Variants in GJB7 observed in about 807,000 individuals in gnomAD.
The protein encoded by GJB7 is gap junction beta-7 protein.
For missense variants in GJB7, 253 were observed against 256.8 expected, an observed-to-expected ratio of 0.99 and a Z score of 0.10; for synonymous variants, 87 against 95.2, an observed-to-expected ratio of 0.91 and a Z score of 0.50.
At position 87,284,126 on chromosome 6, in the gene GJB7, C is replaced by T; in HGVS notation, c.*115G>A. The T allele has an allele frequency of 1.2e-6, 1 of 826,624 alleles. No individual in the cohort carries two copies. The allele number at this position is 826,624 out of a possible 1,614,324, so 51.2% of individuals were successfully genotyped here. On this transcript the variant is annotated 3_prime_UTR_variant, in exon 3 of 3. Coordinates refer to ENST00000525899, the MANE Select transcript of GJB7 (RefSeq NM_198568.3). ...TTCTTTGTTTAACCCTCTTGTGTGT[C>T]ACAGAGTAGCTTTGCTTCAGGTAGA...
intron 2 of GJB7, among the ~76,000 whole-genome samples, chr6:87,321,770 T>C (rs901977030): frequency 2.0e-5 from 3 of 152,162 alleles, no homozygotes; most frequent in Non-Finnish European, 4.4e-5. Context: ...ACAGGAGGTA[T>C]GGCTCCAGAG....
At chr6:87,302,258 G>A (rs879502227) in intron 2 of GJB7, among the ~76,000 whole-genome samples, 17 of 151,568 alleles carry the variant, frequency 1.1e-4, no homozygotes, top group Admixed American at 6.6e-4. Context: ...CGAATGCATC[G>A]CAAAGAAGCT....
rs531732801 is a variant in GJB7, at chr6:87,324,556, G to T, written c.-205-1513C>A. ...TTTCCCCATTGCTTGTTTTTCTCAG[G>T]TTTGTCAAAGATCAGATAGTTGTAG... On this transcript the variant is annotated intron_variant, in intron 1 of 2. Transcript: ENST00000525899. Among the ~76,000 whole-genome samples the T allele has an allele frequency of 4.6e-3, 695 of 150,780 alleles. 5 individuals carry two copies. Among genetic ancestry groups the T allele is most frequent in the African/African-American group, 0.016 (649 of 40,838 alleles).
At chr6:87,318,114 A>G (rs924934259) in intron 2 of GJB7, among the ~76,000 whole-genome samples, 3 of 121,504 alleles carry the variant, frequency 2.5e-5, no homozygotes, top group African/African-American at 8.6e-5. Flanking sequence ...TCAGTTCCCC[A>G]TTCTATTTTT....
chr6:87,310,960 T>C (rs896811726), intron 2 of GJB7, among the ~76,000 whole-genome samples: 6 of 152,158 alleles, frequency 3.9e-5, no homozygotes, highest in African/African-American at 1.4e-4. Flanking sequence ...TTAGAGATGA[T>C]TCCAAAAGCA....
Position 87,284,623 on chromosome 6 carries a change from T to G in GJB7, c.290A>C (p.Tyr97Ser), listed in dbSNP as rs369321387. 2 of 1,614,200 alleles carry G rather than the reference T, an allele frequency of 1.2e-6. No individual in the cohort carries two copies. Among genetic ancestry groups the G allele is most frequent in the East Asian group, 4.5e-5 (2 of 44,878 alleles). Residue 97 changes from tyrosine (Y) to serine (S), a missense_variant, in exon 3 of 3, where the codon TAT becomes TCT. By Grantham distance (144) the Tyr-to-Ser change is moderately radical. Coordinates refer to ENST00000525899, the MANE Select transcript of GJB7 (RefSeq NM_198568.3). ...PSLLVVLHVA[Y>S]HEGREKRHRK... ...GTGCCTTTTCTCTCTACCCTCATGATAGGCTACATGTAAAACCACCAGAAG... is the reference window on the plus strand; with the variant it reads ...GTGCCTTTTCTCTCTACCCTCATGAGAGGCTACATGTAAAACCACCAGAAG...
chr6:87,324,892 C>G (rs1776778014), intron 1 of GJB7, among the ~76,000 whole-genome samples: 2 of 152,190 alleles, frequency 1.3e-5, no homozygotes, highest in African/African-American at 4.8e-5. Flanking sequence ...TTGATTCTTC[C>G]TACGCATGAG....
chr6:87,326,185 C>G (rs1340247948), intron 1 of GJB7, among the ~76,000 whole-genome samples: 1 of 152,184 alleles, frequency 6.6e-6, no homozygotes, highest in Non-Finnish European at 1.5e-5. Context: ...TGCTAGCGGT[C>G]TATCAATTTT....
rs1582560344 is a variant in GJB7, at chr6:87,302,315, G to C, written c.-27-17376C>G. ...GATGAATGGCTAACTAGAATAACCA[G>C]TGTAGAGAAGTCCTTAAATGACCTC... On this transcript the variant is annotated intron_variant, in intron 2 of 2. Transcript: ENST00000525899. 2.0e-5 allele frequency among the ~76,000 whole-genome samples: 3 copies of C among 152,286 alleles called. No homozygotes were observed. In the East Asian group the frequency reaches 5.8e-4, roughly 29 times the overall value.
At chr6:87,293,380 C>A (rs888094917) in intron 2 of GJB7, among the ~76,000 whole-genome samples, 1 of 152,142 alleles carries the variant, frequency 6.6e-6, no homozygotes, top group South Asian at 2.1e-4. Context: ...TGTTACTGGG[C>A]AATTACTGGA....
At chr6:87,294,260 G>A (rs1776219335) in intron 2 of GJB7, among the ~76,000 whole-genome samples, 2 of 152,164 alleles carry the variant, frequency 1.3e-5, no homozygotes, top group African/African-American at 2.4e-5. Context: ...AATATGTGAC[G>A]CTGCAAGATA....
At chr6:87,315,087 T>A (rs1001793706) in intron 2 of GJB7, among the ~76,000 whole-genome samples, 22 of 152,112 alleles carry the variant, frequency 1.4e-4, no homozygotes, top group Non-Finnish European at 2.6e-4. Context: ...AGAAAGCATC[T>A]CTTTTCCACA....
intron 2 of GJB7, among the ~76,000 whole-genome samples, chr6:87,295,885 G>T (rs1776243047): frequency 6.6e-6 from 1 of 152,144 alleles, no homozygotes; most frequent in Non-Finnish European, 1.5e-5. Context: ...TTTTTCCTAA[G>T]AAAGAAGAAC....
At chr6:87,294,549 CT>C (rs1192888294) in intron 2 of GJB7, among the ~76,000 whole-genome samples, 32 of 152,230 alleles carry the variant, frequency 2.1e-4, no homozygotes, top group African/African-American at 7.7e-4. Flanking sequence ...TAGAACTGTG[CT>C]TTAAACTTGA....
intron 2 of GJB7, among the ~76,000 whole-genome samples, chr6:87,314,947 CT>C (rs1401454204): frequency 2.0e-5 from 3 of 152,198 alleles, no homozygotes; most frequent in African/African-American, 4.8e-5. Flanking sequence ...AAATAATAAA[CT>C]TTTTTTAGGT....
chr6:87,302,773 A>G (rs1776354297), intron 2 of GJB7, among the ~76,000 whole-genome samples: 1 of 152,216 alleles, frequency 6.6e-6, no homozygotes, highest in Admixed American at 6.5e-5. Context: ...AAGGGCAGCC[A>G]GAGAGAAAGG....
In GJB7 at chr6:87,321,931, A is replaced by AG. The variant is rs1479193344; in HGVS notation, c.-28+934dup. Reference sequence around the variant, plus strand: ...TGAGAACTCCATCATGGGAATGGCAAGGGGGAAGTCGGCCCCATGATTCAG... The same window carrying AG: ...TGAGAACTCCATCATGGGAATGGCAAGGGGGGAAGTCGGCCCCATGATTCAG... On this transcript the variant is annotated intron_variant, in intron 2 of 2. Transcript: ENST00000525899. Among the ~76,000 whole-genome samples the AG allele has an allele frequency of 9.7e-4, 148 of 152,188 alleles. 6 individuals are homozygous for AG. Among genetic ancestry groups the AG allele is most frequent in the Non-Finnish European group, 3.2e-4 (22 of 68,028 alleles).
At chr6:87,317,808 C>T (rs566918063) in intron 2 of GJB7, among the ~76,000 whole-genome samples, 2 of 152,258 alleles carry the variant, frequency 1.3e-5, no homozygotes, top group South Asian at 2.1e-4. Flanking sequence ...CCCAGGAAAG[C>T]ATGTGGCACA....
chr6:87,322,083 G>GT (rs1404467209), intron 2 of GJB7, among the ~76,000 whole-genome samples: 1 of 152,144 alleles, frequency 6.6e-6, no homozygotes, highest in Non-Finnish European at 1.5e-5. Flanking sequence ...CATCAGCAAA[G>GT]TATGTGCAAA....
Sources: allele counts gnomAD v4.1 joint callset (sites outside exome capture counted in the v4.1 genomes callset), GRCh38; gene constraint gnomAD v4.1.1; transcripts MANE v1.5; gene names NCBI Gene and HGNC (gene_info 2026-07-23, HGNC 2026-07-21).